The following AKT3 variants were observed in gnomAD, a reference collection of about 807,000 sequenced individuals.
AKT3 encodes RAC-gamma serine/threonine-protein kinase.
In AKT3, 15 loss-of-function variants were observed where a neutral mutation model predicts 65.3. The observed-to-expected ratio is 0.23, with a 90% CI of 0.15 to 0.35. The LOEUF (loss-of-function observed/expected upper bound fraction) is 0.35, where lower values mean the gene tolerates loss of function less well. AKT3 is among the 10% of genes least tolerant of loss of function. The pLI is 1.00. For missense variants in AKT3, 243 were observed against 576.5 expected (o/e 0.42, Z 5.92); for synonymous variants, 206 against 183.8 (o/e 1.12, Z -0.98).
At chr1:243,849,997 G>A (rs1311166771) in intron 1 of AKT3, 43 bp downstream of exon 1, 1 of 981,174 alleles carries the variant, frequency 1.0e-6, no homozygotes, top group African/African-American at 1.8e-5. Flanking sequence ...GGGAGTGGAG[G>A]CCAGGCGGGG....
chr1:243,776,366 A>G (rs1203083682), intron 2 of AKT3, among the ~76,000 whole-genome samples: 2 of 152,224 alleles, frequency 1.3e-5, no homozygotes, highest in Non-Finnish European at 1.5e-5. Flanking sequence ...CCCTAGTGTG[A>G]TATTTGAAAT....
chr1:243,714,946 C>A (rs2148089237), intron 2 of AKT3, among the ~76,000 whole-genome samples: 1 of 152,106 alleles, frequency 6.6e-6, no homozygotes, highest in South Asian at 2.1e-4. Flanking sequence ...AAACTATGTT[C>A]TAAAACTGAC....
At chr1:243,577,886 A>G (rs1350398349) in intron 8 of AKT3, among the ~76,000 whole-genome samples, 1 of 152,228 alleles carries the variant, frequency 6.6e-6, no homozygotes, top group Non-Finnish European at 1.5e-5. Flanking sequence ...ACATGAGCAG[A>G]CACTTCTCAA....
intron 12 of AKT3, among the ~76,000 whole-genome samples, chr1:243,519,727 C>T (rs1372821213): frequency 6.6e-6 from 1 of 152,092 alleles, no homozygotes; most frequent in East Asian, 1.9e-4. Flanking sequence ...AATCATTAGG[C>T]ATCCACCTTA....
At chr1:243,592,195 C>T (rs1353669636) in intron 8 of AKT3, among the ~76,000 whole-genome samples, 1 of 151,882 alleles carries the variant, frequency 6.6e-6, no homozygotes, top group Admixed American at 6.6e-5. Flanking sequence ...ATTAGCTGGG[C>T]TTGGTGGCAG....
chr1:243,508,655 C>CT (rs369887012), intron 13 of AKT3, among the ~76,000 whole-genome samples: 26,972 of 106,862 alleles, frequency 0.25, 5,195 homozygotes, highest in African/African-American at 0.46. Context: ...AAAAGCCAGA[C>CT]TTTTTTTTTT....
At chr1:243,541,350 T>G (rs1319260832) in intron 12 of AKT3, among the ~76,000 whole-genome samples, 1 of 152,174 alleles carries the variant, frequency 6.6e-6, no homozygotes, top group African/African-American at 2.4e-5. Flanking sequence ...AAACTAACAC[T>G]ATATTTACTT....
At chr1:243,828,915 C>A (rs1316311828) in intron 2 of AKT3, among the ~76,000 whole-genome samples, 4 of 152,074 alleles carry the variant, frequency 2.6e-5, no homozygotes, top group African/African-American at 9.7e-5. Context: ...AAACTAGTCA[C>A]TTTTTTCGAG....
At chr1:243,838,616 C>A (rs1310190760) in intron 2 of AKT3, among the ~76,000 whole-genome samples, 1 of 152,158 alleles carries the variant, frequency 6.6e-6, no homozygotes, top group East Asian at 1.9e-4. Flanking sequence ...ACAAGAATCA[C>A]ATCTTACAGC....
intron 2 of AKT3, among the ~76,000 whole-genome samples, chr1:243,750,896 C>G: frequency 6.6e-6 from 1 of 151,954 alleles, no homozygotes; most frequent in East Asian, 1.9e-4. Flanking sequence ...AAGGCCAATA[C>G]TTCAATAACT....
chr1:243,819,254 C>T (rs970906879), intron 2 of AKT3, among the ~76,000 whole-genome samples: 1 of 152,220 alleles, frequency 6.6e-6, no homozygotes, highest in African/African-American at 2.4e-5. Flanking sequence ...TGACTGAGCT[C>T]CGGAGGGGCA....
intron 4 of AKT3, 104 bp downstream of exon 4, chr1:243,664,668 A>T (rs1682645624): frequency 2.5e-6 from 1 of 396,858 alleles, no homozygotes; most frequent in African/African-American, 2.1e-5. Flanking sequence ...ATAGCATTTA[A>T]AAAAATATAT....
intron 12 of AKT3, among the ~76,000 whole-genome samples, chr1:243,538,386 G>C (rs763009612): frequency 6.6e-6 from 1 of 150,664 alleles, no homozygotes; most frequent in Non-Finnish European, 1.5e-5. Context: ...GAGAAAAAAA[G>C]GAACAAAGAA....
At chr1:243,755,951 C>G (rs866037037) in intron 2 of AKT3, among the ~76,000 whole-genome samples, 5 of 152,190 alleles carry the variant, frequency 3.3e-5, no homozygotes, top group South Asian at 4.1e-4. Flanking sequence ...AGGGTCAAGC[C>G]CAATCAAGGA....
intron 2 of AKT3, among the ~76,000 whole-genome samples, chr1:243,828,999 G>A (rs1348602913): frequency 2.0e-5 from 3 of 152,030 alleles, no homozygotes; most frequent in Non-Finnish European, 4.4e-5. Flanking sequence ...GTAATGTGAG[G>A]CAAAACAGAA....
At chr1:243,578,166 C>T (rs974506326) in intron 8 of AKT3, among the ~76,000 whole-genome samples, 2 of 152,032 alleles carry the variant, frequency 1.3e-5, no homozygotes, top group South Asian at 4.2e-4. Context: ...ACCCTTTGAC[C>T]CAGCAATTTC....
At chr1:243,569,074 C>A (rs1034639357) in intron 9 of AKT3, among the ~76,000 whole-genome samples, 1 of 152,146 alleles carries the variant, frequency 6.6e-6, no homozygotes, top group South Asian at 2.1e-4. Flanking sequence ...AGCCCACATA[C>A]ATCAAACTCA....
chr1:243,808,615 T>C (rs1168545200), intron 2 of AKT3, among the ~76,000 whole-genome samples: 1 of 152,114 alleles, frequency 6.6e-6, no homozygotes, highest in Admixed American at 6.5e-5. Context: ...TACAGGATAT[T>C]ATCCAGGAGA....
At chr1:243,625,062 C>T in intron 6 of AKT3, 1 of 319,208 alleles carries the variant, frequency 3.1e-6, no homozygotes, top group Non-Finnish European at 6.3e-6. Flanking sequence ...TCCACCCTTG[C>T]CCTTTCCCCA....
Sources: allele counts gnomAD v4.1 joint callset (sites outside exome capture counted in the v4.1 genomes callset), GRCh38; gene constraint gnomAD v4.1.1; transcripts MANE v1.5; gene names NCBI Gene and HGNC (gene_info 2026-07-23, HGNC 2026-07-21).